The following MCTP2 variants were observed in gnomAD, a reference collection of about 807,000 sequenced individuals.
MCTP2 encodes multiple C2 and transmembrane domain-containing protein 2.
In MCTP2, 132 loss-of-function variants were observed where a neutral mutation model predicts 111.6. The observed-to-expected ratio is 1.18, with a 90% CI of 1.03 to 1.37. The LOEUF (loss-of-function observed/expected upper bound fraction) is 1.37. MCTP2 is among the 40% of genes most tolerant of loss of function. The pLI is 0.00. For missense variants in MCTP2, 1,183 were observed against 1,067.9 expected, an observed-to-expected ratio of 1.11 and a Z score of -1.50; for synonymous variants, 395 against 387.7, an observed-to-expected ratio of 1.02 and a Z score of -0.22.
At chr15:94,390,293 G>C (rs1310582780) in intron 14 of MCTP2, among the ~76,000 whole-genome samples, 1 of 151,626 alleles carries the variant, frequency 6.6e-6, no homozygotes, top group Non-Finnish European at 1.5e-5. Flanking sequence ...ATTGAGATTG[G>C]AATGCGTTAT....
intron 12 of MCTP2, among the ~76,000 whole-genome samples, chr15:94,372,490 G>A (rs1263930270): frequency 2.0e-5 from 3 of 152,184 alleles, no homozygotes; most frequent in Non-Finnish European, 4.4e-5. Context: ...CCGTGAGGTA[G>A]CAATGAATAC....
At chr15:94,336,924 C>T (rs536247807) in intron 4 of MCTP2, among the ~76,000 whole-genome samples, 7 of 152,086 alleles carry the variant, frequency 4.6e-5, no homozygotes, top group African/African-American at 1.4e-4. Context: ...TCTCTGGACT[C>T]CTGGCTTCAT....
chr15:94,465,688 C>T (rs1433863262), intron 20 of MCTP2, among the ~76,000 whole-genome samples: 6 of 152,120 alleles, frequency 3.9e-5, no homozygotes, highest in African/African-American at 1.2e-4. Flanking sequence ...GTAATCCCTG[C>T]AGAATTAATG....
intron 12 of MCTP2, among the ~76,000 whole-genome samples, chr15:94,373,499 T>A (rs1171299644): frequency 6.6e-6 from 1 of 152,236 alleles, no homozygotes; most frequent in Non-Finnish European, 1.5e-5. Flanking sequence ...AAGGTATATT[T>A]ACTGTTTTTA....
chr15:94,476,851 G>T, intron 22 of MCTP2, 58 bp downstream of exon 22: 1 of 959,956 alleles, frequency 1.0e-6, no homozygotes, highest in Non-Finnish European at 1.7e-6. Flanking sequence ...GGCCAGCCCC[G>T]GAGCCAGAGG....
At chr15:94,332,716 T>C (rs2077184773) in intron 4 of MCTP2, among the ~76,000 whole-genome samples, 1 of 152,194 alleles carries the variant, frequency 6.6e-6, no homozygotes, top group Non-Finnish European at 1.5e-5. Context: ...AACATTTCTT[T>C]TGGATAAATT....
intron 9 of MCTP2, 59 bp downstream of exon 9, chr15:94,356,360 A>G (rs1316285877): frequency 7.1e-7 from 1 of 1,407,406 alleles, no homozygotes; most frequent in African/African-American, 1.5e-5. Flanking sequence ...AAAATTAAAA[A>G]TTGTTTCCCA....
chr15:94,280,134 T>G (rs1225886794), intron 1 of MCTP2, among the ~76,000 whole-genome samples: 1 of 152,224 alleles, frequency 6.6e-6, no homozygotes, highest in Admixed American at 6.5e-5. Flanking sequence ...TCACTCCTCC[T>G]TGATTTTTTA....
intron 4 of MCTP2, among the ~76,000 whole-genome samples, chr15:94,320,616 CACTT>C (rs1480522008): frequency 2.6e-5 from 4 of 152,152 alleles, no homozygotes; most frequent in African/African-American, 9.7e-5. Flanking sequence ...AGTATTTAGT[CACTT>C]ACTCCCTTAT....
At chr15:94,368,537 A>G (rs1038553182) in intron 11 of MCTP2, among the ~76,000 whole-genome samples, 2 of 152,202 alleles carry the variant, frequency 1.3e-5, no homozygotes, top group Admixed American at 6.5e-5. Flanking sequence ...TGGCACTATC[A>G]TTCTCAGCAT....
intron 21 of MCTP2, among the ~76,000 whole-genome samples, chr15:94,472,976 G>T (rs1196339957): frequency 6.6e-6 from 1 of 152,134 alleles, no homozygotes; most frequent in African/African-American, 2.4e-5. Context: ...TTAAGGATCA[G>T]AAGACTTTCT....
chr15:94,367,871 CT>C (rs1318060884), intron 11 of MCTP2, 80 bp downstream of exon 11: 1 of 1,256,874 alleles, frequency 8.0e-7, no homozygotes, highest in African/African-American at 1.6e-5. Context: ...AACAAAGTCT[CT>C]GAATTGAAAA....
intron 1 of MCTP2, among the ~76,000 whole-genome samples, chr15:94,279,312 CTTG>C (rs1224760067): frequency 3.9e-5 from 6 of 152,038 alleles, no homozygotes; most frequent in Admixed American, 6.6e-5. Flanking sequence ...TTTTGTAATT[CTTG>C]TTGTAGACAT....
intron 12 of MCTP2, among the ~76,000 whole-genome samples, chr15:94,381,030 A>T (rs2080106256): frequency 6.6e-6 from 1 of 152,226 alleles, no homozygotes. Flanking sequence ...TTCTGGACAC[A>T]GAGGAGGTCT....
chr15:94,248,738 G>A (rs961165452), intron 1 of MCTP2, among the ~76,000 whole-genome samples: 5 of 152,108 alleles, frequency 3.3e-5, no homozygotes, highest in African/African-American at 1.2e-4. Flanking sequence ...GAATTGTTTG[G>A]TGAACAATGA....
intron 1 of MCTP2, among the ~76,000 whole-genome samples, chr15:94,264,426 G>A (rs896617000): frequency 1.3e-5 from 2 of 152,184 alleles, no homozygotes; most frequent in African/African-American, 2.4e-5. Flanking sequence ...GGCTAACACA[G>A]CGAAACCCTG....
At chr15:94,414,739 T>A (rs1435131545) in intron 17 of MCTP2, among the ~76,000 whole-genome samples, 1 of 152,210 alleles carries the variant, frequency 6.6e-6, no homozygotes, top group South Asian at 2.1e-4. Context: ...GACTCTCTTA[T>A]GAAGTTCATT....
chr15:94,396,462 A>G (rs1477463799), intron 14 of MCTP2, among the ~76,000 whole-genome samples: 1 of 152,090 alleles, frequency 6.6e-6, no homozygotes, highest in Non-Finnish European at 1.5e-5. Flanking sequence ...GTATATATAT[A>G]TGTTTGGTTT....
At chr15:94,451,719 A>G (rs1288849059) in intron 19 of MCTP2, among the ~76,000 whole-genome samples, 1 of 152,210 alleles carries the variant, frequency 6.6e-6, no homozygotes, top group Non-Finnish European at 1.5e-5. Flanking sequence ...CCCTGGTTCA[A>G]TCTGAAATGT....
Sources: gnomAD v4.1 joint callset for allele counts (sites outside exome capture counted in the v4.1 genomes callset) on GRCh38, gnomAD v4.1.1 for gene constraint, MANE v1.5 for transcripts, NCBI Gene and HGNC (gene_info 2026-07-23, HGNC 2026-07-21) for gene names.